Variants in GPATCH2 observed in about 807,000 individuals in gnomAD.
GPATCH2 encodes the protein G-patch domain containing 2.
GPATCH2 carries 51 observed loss-of-function variants against 58.0 expected under a neutral mutation model. That is an observed-to-expected ratio of 0.88 (90% CI 0.70 to 1.11). The LOEUF (loss-of-function observed/expected upper bound fraction) is 1.11, where lower values mean the gene tolerates loss of function less well. Ranked by LOEUF, GPATCH2 falls within the 50% of genes most tolerant of loss-of-function variation. GPATCH2 has a pLI of 0.00. For missense variants in GPATCH2, 625 were observed against 652.2 expected (o/e 0.96, Z 0.45); for synonymous variants, 222 against 218.5 (o/e 1.02, Z -0.14).
chr1:217,497,534 C>T (rs1662072784), intron 7 of GPATCH2, among the ~76,000 whole-genome samples: 1 of 152,124 alleles, frequency 6.6e-6, no homozygotes, highest in African/African-American at 2.4e-5. Flanking sequence ...TATGCAACAG[C>T]TGTGAACCTG....
At chr1:217,488,420 T>C (rs1298457107) in intron 8 of GPATCH2, among the ~76,000 whole-genome samples, 1 of 152,198 alleles carries the variant, frequency 6.6e-6, no homozygotes, top group Non-Finnish European at 1.5e-5. Context: ...TTTGAGTGCC[T>C]ATACACTGAA....
chr1:217,478,615 G>A (rs1479180847), intron 8 of GPATCH2, among the ~76,000 whole-genome samples: 1 of 152,074 alleles, frequency 6.6e-6, no homozygotes, highest in Non-Finnish European at 1.5e-5. Flanking sequence ...AAAAAACAAT[G>A]AAGCACACCT....
chr1:217,433,974 T>A (rs1441074506), intron 9 of GPATCH2, among the ~76,000 whole-genome samples: 2 of 152,196 alleles, frequency 1.3e-5, no homozygotes, highest in Non-Finnish European at 2.9e-5. Flanking sequence ...ATTAAACATT[T>A]TGGTATTCTC....
chr1:217,584,397 C>T (rs1667240309), intron 5 of GPATCH2, among the ~76,000 whole-genome samples: 1 of 143,778 alleles, frequency 7.0e-6, no homozygotes, highest in Admixed American at 7.5e-5. Context: ...GGCATGTTGG[C>T]AGGCACCCGT....
chr1:217,559,388 A>G (rs893326394), intron 5 of GPATCH2, among the ~76,000 whole-genome samples: 26 of 152,086 alleles, frequency 1.7e-4, no homozygotes, highest in Admixed American at 5.2e-4. Flanking sequence ...TCTTTTCAAT[A>G]TAGAGCCTTC....
chr1:217,596,988 C>A (rs1489555264), intron 5 of GPATCH2, among the ~76,000 whole-genome samples: 1 of 152,044 alleles, frequency 6.6e-6, no homozygotes, highest in African/African-American at 2.4e-5. Context: ...TAAAAAGGTA[C>A]AACTCCACAA....
chr1:217,575,878 GT>G (rs954491044), intron 5 of GPATCH2, among the ~76,000 whole-genome samples: 1 of 151,948 alleles, frequency 6.6e-6, no homozygotes, highest in African/African-American at 2.4e-5. Flanking sequence ...TACTTTTTGT[GT>G]TTTTTCCAAA....
intron 9 of GPATCH2, among the ~76,000 whole-genome samples, chr1:217,437,645 A>C (rs12736995): frequency 0.091 from 13,809 of 152,246 alleles, 984 homozygotes; most frequent in East Asian, 0.34. Flanking sequence ...AGCCCACCAC[A>C]GCTCAGTAAA....
At chr1:217,562,802 T>A (rs1665994123) in intron 5 of GPATCH2, among the ~76,000 whole-genome samples, 2 of 152,144 alleles carry the variant, frequency 1.3e-5, no homozygotes, top group African/African-American at 4.8e-5. Context: ...GGGATAATAC[T>A]CTCTAATTCA....
At chr1:217,602,638 G>A (rs1478657122) in intron 5 of GPATCH2, among the ~76,000 whole-genome samples, 1 of 152,148 alleles carries the variant, frequency 6.6e-6, no homozygotes, top group Non-Finnish European at 1.5e-5. Flanking sequence ...GAGCAAGCAA[G>A]CAGACCAGAA....
intron 5 of GPATCH2, among the ~76,000 whole-genome samples, chr1:217,516,844 A>G (rs1663182860): frequency 6.6e-6 from 1 of 152,212 alleles, no homozygotes; most frequent in African/African-American, 2.4e-5. Flanking sequence ...AGCTATTTTC[A>G]GGACTAAAAT....
intron 5 of GPATCH2, among the ~76,000 whole-genome samples, chr1:217,586,875 T>C (rs1191751738): frequency 6.6e-6 from 1 of 152,148 alleles, no homozygotes; most frequent in African/African-American, 2.4e-5. Context: ...CATTCTTGAC[T>C]GAAACAGTGT....
rs762081384 is a variant in GPATCH2, at chr1:217,620,331, C to G, written c.225G>C (p.Ser75=). 3.7e-6 allele frequency: 6 copies of G among 1,614,012 alleles called. No individual in the cohort carries two copies. The highest frequency in any genetic ancestry group is 1.1e-5 in the South Asian group (1 of 91,076). The part of the protein sequence containing the change: ...ARKRRGRKRR[S]YNVHHPWETG... ...TCTCCCACGGGTGATGCACATTATACGACCTCCGTTTTCTCCCTCTCCTTT... is the reference window on the plus strand; with the variant it reads ...TCTCCCACGGGTGATGCACATTATAGGACCTCCGTTTTCTCCCTCTCCTTT... The change falls in exon 2 of 10, where the codon TCG becomes TCC. Residue 75 remains serine, a synonymous_variant. Transcript: ENST00000366935.
chr1:217,547,492 T>C (rs1665122850), intron 5 of GPATCH2, among the ~76,000 whole-genome samples: 1 of 152,032 alleles, frequency 6.6e-6, no homozygotes, highest in Admixed American at 6.6e-5. Flanking sequence ...AAGACAGAAA[T>C]ACCATTCGAT....
intron 9 of GPATCH2, among the ~76,000 whole-genome samples, chr1:217,431,940 G>C (rs1658557086): frequency 6.6e-6 from 1 of 152,052 alleles, no homozygotes; most frequent in Non-Finnish European, 1.5e-5. Flanking sequence ...TATTCAGTCT[G>C]TAACATATGC....
At chr1:217,597,724 T>G (rs1467208845) in intron 5 of GPATCH2, among the ~76,000 whole-genome samples, 3 of 152,134 alleles carry the variant, frequency 2.0e-5, no homozygotes, top group Non-Finnish European at 2.9e-5. Flanking sequence ...TCAGTGAAAG[T>G]CTGCACAATG....
At chr1:217,552,256 G>T (rs1015409568) in intron 5 of GPATCH2, among the ~76,000 whole-genome samples, 3 of 151,984 alleles carry the variant, frequency 2.0e-5, no homozygotes, top group African/African-American at 7.2e-5. Context: ...CTCAACTAAA[G>T]TTCAGCCTTT....
intron 8 of GPATCH2, among the ~76,000 whole-genome samples, chr1:217,463,831 CA>C (rs1187354458): frequency 6.6e-6 from 1 of 151,870 alleles, no homozygotes; most frequent in Non-Finnish European, 1.5e-5. Context: ...ATAAAGAGAA[CA>C]AGGGTGAGAG....
intron 9 of GPATCH2, among the ~76,000 whole-genome samples, chr1:217,439,663 T>C (rs549859143): frequency 3.3e-5 from 5 of 151,880 alleles, no homozygotes; most frequent in South Asian, 2.1e-4. Flanking sequence ...ATAGACACAA[T>C]AAAAAATGAT....
Sources: gnomAD v4.1 joint callset for allele counts (sites outside exome capture counted in the v4.1 genomes callset) on GRCh38, gnomAD v4.1.1 for gene constraint, MANE v1.5 for transcripts, NCBI Gene and HGNC (gene_info 2026-07-23, HGNC 2026-07-21) for gene names.